GPR174: variants seen among roughly 807,000 people sequenced by gnomAD.
GPR174 encodes the protein G protein-coupled receptor 174.
Under a neutral mutation model 16.5 loss-of-function variants are expected in GPR174, and 8 were observed. The ratio of observed to expected loss-of-function variants is 0.48; its 90% CI spans 0.28 to 0.87. The LOEUF (loss-of-function observed/expected upper bound fraction) is 0.87, where lower values mean the gene tolerates loss of function less well. GPR174 is among the 40% of genes least tolerant of loss of function. The pLI is 0.09. For synonymous variants in GPR174, 111 were observed against 94.8 expected (o/e 1.17, Z -0.99); for missense variants, 214 against 247.5 (o/e 0.86, Z 0.91).
At chrX:79,168,140 G>C (rs1373563057) in intron 2 of GPR174, among the ~76,000 whole-genome samples, 1 of 111,833 alleles carries the variant, frequency 8.9e-6, no homozygotes, top group Non-Finnish European at 1.9e-5. Context: ...TTTCTCTTCT[G>C]TCCAGAACTT....
intron 1 of GPR174, among the ~76,000 whole-genome samples, chrX:79,146,334 G>T (rs1029197374): frequency 1.2e-4 from 14 of 112,517 alleles, no homozygotes; most frequent in Non-Finnish European, 2.3e-4. Context: ...AAAAGAAAAT[G>T]TTATAGTTTT....
chrX:79,149,734 T>C (rs1217160114), intron 1 of GPR174, among the ~76,000 whole-genome samples: 7 of 110,761 alleles, frequency 6.3e-5, no homozygotes, highest in South Asian at 3.8e-4. Flanking sequence ...TGAGTGATCA[T>C]ATATTGGGTT....
intron 2 of GPR174, among the ~76,000 whole-genome samples, chrX:79,157,908 G>A (rs1302371779): frequency 9.2e-6 from 1 of 108,781 alleles, no homozygotes; most frequent in East Asian, 2.9e-4. Context: ...TAAACATGGG[G>A]GAAAAAAACA....
chrX:79,170,377 T>G (rs922575807), intron 2 of GPR174, 75 bp from the exon 3 acceptor site: 1 of 91,696 alleles, frequency 1.1e-5, no homozygotes, highest in Non-Finnish European at 2.3e-5. Context: ...CTAGAATATT[T>G]TTCTGAACAC....
At chrX:79,169,908 T>C (rs1398317169) in intron 2 of GPR174, among the ~76,000 whole-genome samples, 1 of 112,139 alleles carries the variant, frequency 8.9e-6, no homozygotes, top group Non-Finnish European at 1.9e-5. Context: ...GATCAAATGA[T>C]GGTTCAAGGA....
At position 79,171,136 on chromosome X, in the gene GPR174, A is replaced by G; in HGVS notation, c.129A>G (p.Val43=). The change falls in exon 3 of 3, where the codon GTA becomes GTG. Residue 43 remains valine, a synonymous_variant. Transcript: ENST00000645147. ...TAGGGAATATATTAGCCCTGTGGGT[A>G]TTCTATGGTTATATGAAAGAAACAA... ...GLIGNILALW[V]FYGYMKETKR... 8.3e-7 allele frequency: 1 copy of G among 1,207,821 alleles called. No homozygotes were observed. Among genetic ancestry groups the G allele is most frequent in the African/African-American group, 1.7e-5 (1 of 57,773 alleles).
Position 79,171,995 on chromosome X carries a change from C to G in GPR174, c.988C>G (p.Pro330Ala), listed in dbSNP as rs1421269162. The G allele has an allele frequency of 8.4e-7, 1 of 1,186,925 alleles. No individual in the cohort carries two copies. Among genetic ancestry groups the G allele is most frequent in the African/African-American group, 1.8e-5 (1 of 56,166 alleles). ...TAACCATACAGCTTCCACCATGACACCTGAATTATGCTAAAACAAAAAACC... is the reference window on the plus strand; with the variant it reads ...TAACCATACAGCTTCCACCATGACAGCTGAATTATGCTAAAACAAAAAACC... ...VSNHTASTMT[P>A]ELC The change falls in exon 3 of 3, where the codon CCT becomes GCT. Residue 330 changes from proline (P) to alanine (A), a missense_variant. Transcript: ENST00000645147.
At chrX:79,167,285 C>T (rs962320154) in intron 2 of GPR174, among the ~76,000 whole-genome samples, 1 of 111,626 alleles carries the variant, frequency 9.0e-6, no homozygotes, top group African/African-American at 3.3e-5. Flanking sequence ...AATGTAGATC[C>T]TTTGGCTCCA....
At chrX:79,156,098 C>T (rs1465244660) in intron 1 of GPR174, among the ~76,000 whole-genome samples, 1 of 112,139 alleles carries the variant, frequency 8.9e-6, no homozygotes, top group Non-Finnish European at 1.9e-5. Flanking sequence ...GTAACCCCTT[C>T]TTGTAGTATT....
rs767061488 is a variant in GPR174 at position 79,172,540 on chromosome X, T to C, written c.*531T>C. On this transcript the variant is annotated 3_prime_UTR_variant, in exon 3 of 3. Coordinates refer to ENST00000645147, the MANE Select transcript of GPR174 (RefSeq NM_032553.3). ...ATCATTTTTATCTCTCAAGTGTGATTACTCTTCAGAGTTTGAAGATTAAAA... is the reference window on the plus strand; with the variant it reads ...ATCATTTTTATCTCTCAAGTGTGATCACTCTTCAGAGTTTGAAGATTAAAA... 4 of 113,058 alleles carry C rather than the reference T, an allele frequency of 3.5e-5. No homozygotes were observed. Among genetic ancestry groups the C allele is most frequent in the African/African-American group, 1.3e-4 (4 of 31,030 alleles). The allele number at this position is 113,058 out of a possible 1,213,427, so 9.3% of individuals were successfully genotyped here. A position where few individuals can be genotyped will look rare whatever the true frequency, so the allele number is the denominator to read the frequency against.
intron 1 of GPR174, among the ~76,000 whole-genome samples, chrX:79,148,400 C>T (rs1304500041): frequency 1.8e-5 from 2 of 112,153 alleles, no homozygotes; most frequent in African/African-American, 3.2e-5. Flanking sequence ...TTCTCAGCAA[C>T]GATGAAAGGC....
At chrX:79,156,132 G>A (rs1245687463) in intron 1 of GPR174, among the ~76,000 whole-genome samples, 1 of 111,909 alleles carries the variant, frequency 8.9e-6, no homozygotes, top group Non-Finnish European at 1.9e-5. Context: ...TAGATTCCTG[G>A]ACACATAGTT....
At chrX:79,156,301 A>T (rs774822027) in intron 1 of GPR174, among the ~76,000 whole-genome samples, 1 of 112,378 alleles carries the variant, frequency 8.9e-6, no homozygotes, top group East Asian at 2.8e-4. Context: ...TTAAGGGTAC[A>T]TGTAAGGCAG....
chrX:79,149,264 A>G (rs1311709260), intron 1 of GPR174, among the ~76,000 whole-genome samples: 2 of 111,623 alleles, frequency 1.8e-5, no homozygotes, highest in African/African-American at 6.5e-5. Context: ...CTGCTTCTGT[A>G]TTCTTTGGTC....
At chrX:79,167,498 C>A (rs748103650) in intron 2 of GPR174, among the ~76,000 whole-genome samples, 5 of 109,570 alleles carry the variant, frequency 4.6e-5, no homozygotes, top group Non-Finnish European at 9.5e-5. Flanking sequence ...GGCAGGGAAG[C>A]GAATAGTAGC....
chrX:79,163,622 T>C (rs1007133736), intron 2 of GPR174, among the ~76,000 whole-genome samples: 1 of 112,390 alleles, frequency 8.9e-6, no homozygotes, highest in Non-Finnish European at 1.9e-5. Context: ...TCCTCCTTCA[T>C]TAGATCCCAA....
Position 79,144,994 on chromosome X carries a change from CTCTCTCTCTCTCTTTCTTTCTTTCTT to C in GPR174, c.-873_-848del, listed in dbSNP as rs1569277499. The C allele has an allele frequency of 2.7e-4, 10 of 36,733 alleles. No homozygotes were observed. The highest frequency in any genetic ancestry group is 2.8e-3 in the East Asian group (2 of 702). 3.0% of individuals were successfully genotyped at this position (36,733 alleles called of 1,213,427 possible). The stretch of plus-strand genomic sequence containing the variant: ...TTTCTTTCTTTTTCTTTCTTTCTTT[CTCTCTCTCTCTCTTTCTTTCTTTCTT>C]TCTTTCTTTCTTTCTTTCTTTCTTT... On this transcript the variant is annotated 5_prime_UTR_variant, in exon 1 of 3. Transcript: ENST00000645147.
rs1441245162 is a variant in GPR174, at chrX:79,174,822, G to T, written c.*2813G>T. ...GTTCTCTGAGCTTCTCCATTCCATG[G>T]CTTATCCAGACTTCTCATTTATCAC... On this transcript the variant is annotated 3_prime_UTR_variant, in exon 3 of 3. Coordinates refer to ENST00000645147, the MANE Select transcript of GPR174 (RefSeq NM_032553.3). 1 of 111,099 alleles carries T rather than the reference G, an allele frequency of 9.0e-6. No homozygotes were observed. Among genetic ancestry groups the T allele is most frequent in the African/African-American group, 3.3e-5 (1 of 30,547 alleles). The allele number at this position is 111,099 out of a possible 1,213,427, so 9.2% of individuals were successfully genotyped here.
chrX:79,163,893 CT>C (rs762714415), intron 2 of GPR174, among the ~76,000 whole-genome samples: 33 of 110,983 alleles, frequency 3.0e-4, no homozygotes, highest in African/African-American at 9.8e-4. Flanking sequence ...ATGTGTGGCT[CT>C]TTGTGAATCT....
Sources: allele counts gnomAD v4.1 joint callset (sites outside exome capture counted in the v4.1 genomes callset), GRCh38; gene constraint gnomAD v4.1.1; transcripts MANE v1.5; gene names NCBI Gene and HGNC (gene_info 2026-07-23, HGNC 2026-07-21).